Variants in KDM4B observed in about 807,000 individuals in gnomAD.
KDM4B encodes the protein lysine-specific demethylase 4B.
A neutral mutation model predicts 125.2 loss-of-function variants in KDM4B; 32 were observed. The ratio of observed to expected loss-of-function variants is 0.26; its 90% confidence interval spans 0.19 to 0.34. The LOEUF is 0.34. Among genes scored for constraint, KDM4B ranks in the 10% least tolerant of loss-of-function variants. KDM4B has a pLI of 1.00. For missense variants in KDM4B, 1,190 were observed against 1,577.7 expected (o/e 0.75, Z 4.16); for synonymous variants, 721 against 677.9 (o/e 1.06, Z -0.99).
Position 5,131,546 on chromosome 19 carries a change from G to A in KDM4B, c.1785+1G>A. ...CAAAGCCCGGGCCGGAGAGGGGCAG[G>A]TGGGGTGGAGCGGGGGAGGCAGGGA... On this transcript the variant is annotated splice_donor_variant, in intron 12 of 22. Coordinates refer to ENST00000159111, the MANE Select transcript of KDM4B (RefSeq NM_015015.3). LOFTEE classifies it high-confidence loss of function. 1 of 1,291,344 alleles carries A rather than the reference G, an allele frequency of 7.7e-7. No homozygotes were observed. The highest frequency in any genetic ancestry group is 1.0e-6 in the Non-Finnish European group (1 of 990,024). The allele number at this position is 1,291,344 out of a possible 1,614,324, so 80.0% of individuals were successfully genotyped here. A position where few individuals can be genotyped will look rare whatever the true frequency, so the allele number is the denominator to read the frequency against.
At chr19:5,144,505 G>GC in intron 20 of KDM4B, 93 bp downstream of exon 20, 1 of 1,148,622 alleles carries the variant, frequency 8.7e-7, no homozygotes, top group Admixed American at 2.6e-5. Context: ...GTGGGGGTGG[G>GC]CGGGGGGAAG....
At chr19:5,034,298 C>T (rs2036548277) in intron 3 of KDM4B, among the ~76,000 whole-genome samples, 1 of 152,188 alleles carries the variant, frequency 6.6e-6, no homozygotes, top group South Asian at 2.1e-4. Context: ...TTCCAGTTGC[C>T]TGCTGTTTGA....
chr19:5,018,966 G>T (rs1038028331), intron 2 of KDM4B, among the ~76,000 whole-genome samples: 1 of 152,266 alleles, frequency 6.6e-6, no homozygotes, highest in African/African-American at 2.4e-5. Flanking sequence ...GCTGATGGGC[G>T]CTCATGTGGC....
At chr19:5,108,748 G>A (rs1390326487) in intron 9 of KDM4B, among the ~76,000 whole-genome samples, 1 of 152,178 alleles carries the variant, frequency 6.6e-6, no homozygotes, top group Non-Finnish European at 1.5e-5. Context: ...GGCTTCTTCT[G>A]TGCCTGTTTG....
At chr19:5,091,120 C>G (rs1223756012) in intron 9 of KDM4B, among the ~76,000 whole-genome samples, 1 of 152,252 alleles carries the variant, frequency 6.6e-6, no homozygotes, top group Non-Finnish European at 1.5e-5. Context: ...GTCCTACAAG[C>G]CTGCACGCCA....
intron 9 of KDM4B, among the ~76,000 whole-genome samples, chr19:5,090,380 CCA>C: frequency 1.1e-5 from 1 of 88,128 alleles, no homozygotes; most frequent in Non-Finnish European, 2.3e-5. Context: ...CTCTCTCCCC[CCA>C]TATCTCTCCC....
At chr19:5,008,361 GT>G (rs2145474165) in intron 1 of KDM4B, among the ~76,000 whole-genome samples, 1 of 152,172 alleles carries the variant, frequency 6.6e-6, no homozygotes, top group African/African-American at 2.4e-5. Context: ...GCTTTCTCCC[GT>G]TTATCTAATG....
intron 1 of KDM4B, among the ~76,000 whole-genome samples, chr19:4,969,938 T>C (rs2034194706): frequency 6.6e-6 from 1 of 152,022 alleles, no homozygotes; most frequent in Admixed American, 6.6e-5. Context: ...TCCACGAGTC[T>C]CTCCGTCCCT....
intron 1 of KDM4B, among the ~76,000 whole-genome samples, chr19:5,001,216 T>C (rs1445642100): frequency 1.3e-5 from 2 of 152,068 alleles, no homozygotes; most frequent in East Asian, 1.9e-4. Flanking sequence ...TATGTTTTTA[T>C]AGAGAAATAC....
chr19:5,146,387 G>T (rs1415173204), intron 21 of KDM4B, among the ~76,000 whole-genome samples: 1 of 152,264 alleles, frequency 6.6e-6, no homozygotes, highest in East Asian at 1.9e-4. Context: ...TGAGAAGGGG[G>T]TGGTTTCGGG....
At chr19:5,007,101 C>A (rs1386807130) in intron 1 of KDM4B, among the ~76,000 whole-genome samples, 1 of 152,158 alleles carries the variant, frequency 6.6e-6, no homozygotes, top group African/African-American at 2.4e-5. Context: ...GGGGGAGGGC[C>A]CTGTCCCCAC....
intron 2 of KDM4B, among the ~76,000 whole-genome samples, chr19:5,026,846 T>C (rs2036293645): frequency 1.3e-5 from 2 of 152,212 alleles, no homozygotes; most frequent in African/African-American, 4.8e-5. Flanking sequence ...TCCCTACCCC[T>C]GCCCTGGTGT....
At chr19:5,071,129 A>C (rs2037934900) in intron 7 of KDM4B, 70 bp downstream of exon 7, 1 of 1,455,048 alleles carries the variant, frequency 6.9e-7, no homozygotes, top group East Asian at 2.3e-5. Context: ...GGGGAAGGGC[A>C]GCTGGCGTCC....
chr19:5,151,320 T>C lies in KDM4B; in HGVS notation c.3115-15T>C. 2 of 1,514,198 alleles carry C rather than the reference T, an allele frequency of 1.3e-6. No individual in the cohort carries two copies. Among genetic ancestry groups the C allele is most frequent in the Non-Finnish European group, 8.9e-7 (1 of 1,128,098 alleles). 93.8% of individuals were successfully genotyped at this position (1,514,198 alleles called of 1,614,324 possible). ...TCTCCACCGTGCTAACCACTGTGCT[T>C]CCGCTCTCCCGCAGTCACTGAGCAC... On this transcript the variant is annotated splice_polypyrimidine_tract_variant and intron_variant, in intron 22 of 22. Transcript: ENST00000159111.
chr19:5,004,939 G>T (rs1457257690), intron 1 of KDM4B, among the ~76,000 whole-genome samples: 1 of 152,158 alleles, frequency 6.6e-6, no homozygotes, highest in Non-Finnish European at 1.5e-5. Context: ...AGACGAGCTG[G>T]TCACCCCCTG....
rs183777321 is a variant in KDM4B at position 5,151,437 on chromosome 19, G to A, written c.3217G>A (p.Gly1073Arg). 1.4e-5 allele frequency: 22 copies of A among 1,559,468 alleles called. No homozygotes were observed. The highest frequency in any genetic ancestry group is 6.9e-5 in the African/African-American group (5 of 72,884). The change falls in exon 23 of 23, where the codon GGG (glycine) becomes AGG (arginine). Residue 1073 changes from glycine (G) to arginine (R), a missense_variant. By Grantham distance (125) the Gly-to-Arg change is moderately radical. Coordinates refer to ENST00000159111, the MANE Select transcript of KDM4B (RefSeq NM_015015.3). Reference sequence around the variant, plus strand: ...CACCCCGCTTGCCACGGAGGACTCCGGGCGGAGCCAGGACTACGTGGCCTT... The same window carrying A: ...CACCCCGCTTGCCACGGAGGACTCCAGGCGGAGCCAGGACTACGTGGCCTT... ...VGTPLATEDSGRSQDYVAFVE... is the reference protein window; with the variant it reads ...VGTPLATEDSRRSQDYVAFVE...
chr19:5,145,186 C>T (rs1218531000), intron 21 of KDM4B, among the ~76,000 whole-genome samples: 2 of 151,172 alleles, frequency 1.3e-5, no homozygotes, highest in African/African-American at 2.4e-5. Flanking sequence ...TCCCTTTCAC[C>T]GTTTTGGAGT....
At chr19:4,993,348 G>A (rs2145390329) in intron 1 of KDM4B, among the ~76,000 whole-genome samples, 1 of 152,010 alleles carries the variant, frequency 6.6e-6, no homozygotes, top group African/African-American at 2.4e-5. Context: ...GGCAGAGGTT[G>A]CAGTGAGCTG....
intron 6 of KDM4B, among the ~76,000 whole-genome samples, chr19:5,054,895 T>C (rs1292718645): frequency 2.0e-5 from 3 of 152,234 alleles, no homozygotes; most frequent in Non-Finnish European, 4.4e-5. Context: ...CCTGACGCCA[T>C]CAGCCCAGGC....
Sources: gnomAD v4.1 joint callset for allele counts (sites outside exome capture counted in the v4.1 genomes callset) on GRCh38, gnomAD v4.1.1 for gene constraint, MANE v1.5 for transcripts, NCBI Gene and HGNC (gene_info 2026-07-23, HGNC 2026-07-21) for gene names.